Variants in FRMPD1 observed in about 807,000 individuals in gnomAD.
FRMPD1 encodes the protein FERM and PDZ domain containing 1, also known as FERM and PDZ domain-containing protein 1.
In FRMPD1, 76 loss-of-function variants were observed where a neutral mutation model predicts 117.8. The ratio of observed to expected loss-of-function variants is 0.65; its 90% CI spans 0.54 to 0.78. The LOEUF (loss-of-function observed/expected upper bound fraction) is 0.78. Ranked by LOEUF, FRMPD1 falls within the 30% of genes least tolerant of loss-of-function variation. FRMPD1 has a pLI of 0.00. For synonymous variants in FRMPD1, 783 were observed against 770.4 expected (o/e 1.02, Z -0.27); for missense variants, 1,786 against 1,964.5 (o/e 0.91, Z 1.72).
chr9:37,662,788 AT>A (rs1821039599), intron 1 of FRMPD1, among the ~76,000 whole-genome samples: 2 of 152,252 alleles, frequency 1.3e-5, no homozygotes, highest in East Asian at 1.9e-4. Flanking sequence ...GAAAAAAAAA[AT>A]ATCCAAGTCT....
At chr9:37,614,961 G>T in the FRMPD1 span, among the ~76,000 whole-genome samples, 3 of 152,188 alleles carry the variant, frequency 2.0e-5, no homozygotes, top group African/African-American at 7.2e-5. Flanking sequence ...GAAATTAAAA[G>T]AATGTTTAGA....
chr9:37,734,030 G>C (rs1824013349), intron 12 of FRMPD1, among the ~76,000 whole-genome samples: 1 of 152,292 alleles, frequency 6.6e-6, no homozygotes, highest in Middle Eastern at 3.4e-3. Flanking sequence ...GGGAAGCAGG[G>C]CTGAATAAGA....
chr9:37,728,780 T>C (rs959469683), intron 7 of FRMPD1, among the ~76,000 whole-genome samples: 4 of 151,834 alleles, frequency 2.6e-5, no homozygotes, highest in Non-Finnish European at 4.4e-5. Context: ...ATGACCAACA[T>C]GGTGAAACTC....
chr9:37,632,877 T>A, the FRMPD1 span, among the ~76,000 whole-genome samples: 1 of 149,814 alleles, frequency 6.7e-6, no homozygotes, highest in African/African-American at 2.4e-5. Flanking sequence ...GTTAAAAAAA[T>A]CCCCACAAAT....
At chr9:37,648,667 T>C (rs1461745631), upstream of FRMPD1, among the ~76,000 whole-genome samples, 1 of 151,684 alleles carries the variant, frequency 6.6e-6, no homozygotes, top group Non-Finnish European at 1.5e-5. Flanking sequence ...TCCAGTAGAG[T>C]ATGAAGGCCA....
chr9:37,629,948 A>G, the FRMPD1 span, among the ~76,000 whole-genome samples: 2 of 152,168 alleles, frequency 1.3e-5, no homozygotes, highest in African/African-American at 4.8e-5. Context: ...GGGTGTCATC[A>G]TGGTTGGGTT....
In FRMPD1 at chr9:37,736,873, GTGTGTA is replaced by G. The variant is rs1428103736; in HGVS notation, c.1402-217_1402-212del. Among the ~76,000 whole-genome samples, 12 of 139,782 alleles carry G rather than the reference GTGTGTA, an allele frequency of 8.6e-5. No individual in the cohort carries two copies. The South Asian group carries it at 1.8e-3, about 21-fold the overall frequency. The allele number at this position is 139,782 out of a possible 152,430, so 91.7% of individuals were successfully genotyped here. ...AGTGCGTGAGAGTGTGTGTGTGTGT[GTGTGTA>G]TGTGTGCGCACACACACACGCGATG... is the stretch of plus-strand genomic sequence containing the variant. On this transcript the variant is annotated intron_variant, in intron 13 of 15. Transcript: ENST00000377765.
At chr9:37,650,383 G>A (rs1820627913), upstream of FRMPD1, among the ~76,000 whole-genome samples, 1 of 152,158 alleles carries the variant, frequency 6.6e-6, no homozygotes, top group Non-Finnish European at 1.5e-5. Context: ...GCTGGAGAGG[G>A]CCGAGGAAAG....
At chr9:37,690,685 C>T (rs1324285698) in intron 1 of FRMPD1, among the ~76,000 whole-genome samples, 1 of 152,146 alleles carries the variant, frequency 6.6e-6, no homozygotes, top group African/African-American at 2.4e-5. Flanking sequence ...GAAGGATTCT[C>T]TAATCTTTTG....
chr9:37,687,244 G>A lies in FRMPD1; in HGVS notation c.-4-5394G>A, dbSNP rs60809855. 5.3e-3 allele frequency among the ~76,000 whole-genome samples: 813 copies of A among 152,280 alleles called. 6 individuals carry two copies. Among genetic ancestry groups the A allele is most frequent in the African/African-American group, 0.019 (773 of 41,544 alleles). On this transcript the variant is annotated intron_variant, in intron 1 of 15. Coordinates refer to ENST00000377765, the MANE Select transcript of FRMPD1 (RefSeq NM_014907.3). Reference sequence around the variant, plus strand: ...GTCCCCCACGCTGTGGCATTTCCCCGTTAATCCTGTCTCTAAATTCCAGAA... The same window carrying A: ...GTCCCCCACGCTGTGGCATTTCCCCATTAATCCTGTCTCTAAATTCCAGAA...
rs761221433 is a variant in FRMPD1 at position 37,740,695 on chromosome 9, T to C, written c.2167T>C (p.Ser723Pro). 56 of 1,614,112 alleles carry C rather than the reference T, an allele frequency of 3.5e-5. 2 individuals are homozygous for C. The South Asian group carries it at 6.0e-4, about 17-fold the overall frequency. ...VSPASYLSDSSESTASRQGGA... is the reference protein window; with the variant it reads ...VSPASYLSDSPESTASRQGGA... ...CCCGGCCAGCTACCTGAGTGACAGT[T>C]CCGAGAGTACAGCTTCCCGGCAAGG... The change falls in exon 15 of 16, where the codon TCC becomes CCC. Residue 723 changes from serine to proline, a missense_variant. By Grantham distance (74) the Ser-to-Pro change is moderately conservative (BLOSUM62 -1). Transcript: ENST00000377765. This position sits in a 1 kb window ranked among gnomAD's most constrained non-coding sequence, Gnocchi z 4.2.
At chr9:37,712,943 G>A (rs1822965529) in intron 5 of FRMPD1, among the ~76,000 whole-genome samples, 1 of 152,082 alleles carries the variant, frequency 6.6e-6, no homozygotes. Context: ...AAGGGAAAGA[G>A]ATATGGGAGT....
chr9:37,711,658 G>T (rs1822915128), intron 5 of FRMPD1, among the ~76,000 whole-genome samples: 1 of 152,224 alleles, frequency 6.6e-6, no homozygotes. Flanking sequence ...ACAGTAGGAT[G>T]ATGGTAAGGG....
chr9:37,711,390 A>C lies in FRMPD1; in HGVS notation c.403A>C (p.Thr135Pro). Residue 135 changes from threonine to proline, a missense_variant, in exon 5 of 16, where the codon ACG becomes CCG. Transcript: ENST00000377765. The stretch of plus-strand genomic sequence containing the variant: ...TCTTTCAATCACAGTTGTTCGCTGC[A>C]CGTCGGTAAATCTCTTTCTATGTCC... ...DSLSITVVRC[T>P]SGVPKSSFLT... is the part of the protein sequence containing the mutation. 3.7e-6 allele frequency: 6 copies of C among 1,607,008 alleles called. No homozygotes were observed. Among genetic ancestry groups the C allele is most frequent in the Non-Finnish European group, 4.3e-6 (5 of 1,173,488 alleles).
Position 37,745,731 on chromosome 9 carries a change from T to C in FRMPD1, c.3699T>C (p.His1233=), listed in dbSNP as rs367790525. Residue 1233 remains histidine, a synonymous_variant, in exon 16 of 16, where the codon CAT becomes CAC. Coordinates refer to ENST00000377765, the MANE Select transcript of FRMPD1 (RefSeq NM_014907.3). ...GGATCAAGGCAGAGGCACCTAACCATGTGACAGGGCAAGATATAGCCCCTA... is the reference window on the plus strand; with the variant it reads ...GGATCAAGGCAGAGGCACCTAACCACGTGACAGGGCAAGATATAGCCCCTA... The part of the protein sequence containing the change: ...PEGIKAEAPN[H]VTGQDIAPRD... The C allele has an allele frequency of 3.3e-5, 54 of 1,614,044 alleles. No individual in the cohort carries two copies. The highest frequency in any genetic ancestry group is 3.3e-4 in the Middle Eastern group (2 of 6,084).
the FRMPD1 span, among the ~76,000 whole-genome samples, chr9:37,632,234 T>G: frequency 6.6e-6 from 1 of 152,210 alleles, no homozygotes; most frequent in Non-Finnish European, 1.5e-5. Context: ...TTTAACAGTA[T>G]CCTATTGTTG....
At chr9:37,658,464 C>T (rs1820904602) in intron 1 of FRMPD1, among the ~76,000 whole-genome samples, 1 of 152,176 alleles carries the variant, frequency 6.6e-6, no homozygotes, top group Admixed American at 6.5e-5. Flanking sequence ...AATGCTGTAA[C>T]AAATCACCTC....
chr9:37,631,589 A>G, the FRMPD1 span, among the ~76,000 whole-genome samples: 1 of 152,154 alleles, frequency 6.6e-6, no homozygotes, highest in African/African-American at 2.4e-5. Context: ...TAAATTCACA[A>G]ATTCCATATT....
At chr9:37,662,503 A>G (rs10973470) in intron 1 of FRMPD1, among the ~76,000 whole-genome samples, 16,350 of 152,228 alleles carry the variant, frequency 0.11, 1,364 homozygotes, top group African/African-American at 0.23. Context: ...AGTCAGCATC[A>G]TGAATGCTGT....
Sources: allele counts gnomAD v4.1 joint callset (sites outside exome capture counted in the v4.1 genomes callset), GRCh38; gene constraint gnomAD v4.1.1; non-coding constraint Gnocchi (gnomAD v3.1); transcripts MANE v1.5; gene names NCBI Gene and HGNC (gene_info 2026-07-23, HGNC 2026-07-21).